Variants in ZNF106 observed in about 807,000 individuals in gnomAD.
ZNF106 encodes zinc finger protein 106.
Under a neutral mutation model 195.1 loss-of-function variants are expected in ZNF106, and 67 were observed. The ratio of observed to expected loss-of-function variants is 0.34; its 90% CI spans 0.28 to 0.42. The LOEUF (loss-of-function observed/expected upper bound fraction) is 0.42, where lower values mean the gene tolerates loss of function less well. ZNF106 is among the 10% of genes least tolerant of loss of function. The pLI, the probability that ZNF106 is intolerant of heterozygous loss-of-function variation, is 1.00. For synonymous variants in ZNF106, 784 were observed against 818.6 expected (o/e 0.96, Z 0.72); for missense variants, 2,118 against 2,304.5 (o/e 0.92, Z 1.66).
chr15:42,460,985 AAGAAACTTCAAAAAG>A (rs202167562), intron 3 of ZNF106, among the ~76,000 whole-genome samples: 4,480 of 152,270 alleles, frequency 0.029, 174 homozygotes, highest in African/African-American at 0.088. Flanking sequence ...AAAACTTTAT[AAGAAACTTCAAAAAG>A]AGAAACTTCA....
chr15:42,413,978 G>T lies in ZNF106; in HGVS notation c.*3326C>A, dbSNP rs567774967. Reference sequence around the variant, plus strand: ...GACTGATACTTTATCACAACGAACTGCCATTTAAACACTAGCATAGGTACA... The same window carrying T: ...GACTGATACTTTATCACAACGAACTTCCATTTAAACACTAGCATAGGTACA... On this transcript the variant is annotated 3_prime_UTR_variant, in exon 22 of 22. Coordinates refer to ENST00000564754, the MANE Select transcript of ZNF106 (RefSeq NM_001366845.3). 2.0e-5 allele frequency: 3 copies of T among 152,264 alleles called. No homozygotes were observed. Among genetic ancestry groups the T allele is most frequent in the Admixed American group, 1.3e-4 (2 of 15,300 alleles). The allele number at this position is 152,264 out of a possible 1,614,324, so 9.4% of individuals were successfully genotyped here.
intron 1 of ZNF106, among the ~76,000 whole-genome samples, chr15:42,477,762 C>A (rs1474688710): frequency 6.6e-6 from 1 of 151,846 alleles, no homozygotes; most frequent in East Asian, 1.9e-4. Flanking sequence ...TGATGGCAAG[C>A]ACCTGTAATC....
At position 42,448,139 on chromosome 15, in the gene ZNF106, C is replaced by G. The variant is rs1168436762; in HGVS notation, c.3068G>C (p.Ser1023Thr). The G allele has an allele frequency of 8.7e-6, 14 of 1,614,184 alleles. No homozygotes were observed. Among genetic ancestry groups the G allele is most frequent in the Non-Finnish European group, 1.2e-5 (14 of 1,180,028 alleles). The stretch of plus-strand genomic sequence containing the variant: ...TTGTTCAGCACCAGAGGTACAGCTA[C>G]TATCTGTGGCTGCATCCGCTAAACT... ...ISSLADAATD[S>T]SCTSGAEQND... Residue 1023 changes from serine (S) to threonine (T), a missense_variant, in exon 6 of 22, where the codon AGT (serine) becomes ACT (threonine). Transcript: ENST00000564754.
At chr15:42,467,680 C>A (rs914881790) in intron 2 of ZNF106, among the ~76,000 whole-genome samples, 1 of 151,488 alleles carries the variant, frequency 6.6e-6, no homozygotes, top group Admixed American at 6.6e-5. Context: ...TGGTGGTGAA[C>A]GCCTGTAATC....
chr15:42,463,059 A>G (rs1018223955), intron 3 of ZNF106, among the ~76,000 whole-genome samples: 7 of 151,754 alleles, frequency 4.6e-5, no homozygotes, highest in African/African-American at 1.7e-4. Context: ...TTAGCCTCTC[A>G]AAGTGCTGGG....
At chr15:42,487,138 G>A (rs2057035451) in intron 1 of ZNF106, among the ~76,000 whole-genome samples, 1 of 151,778 alleles carries the variant, frequency 6.6e-6, no homozygotes, top group Non-Finnish European at 1.5e-5. Flanking sequence ...CAACAAGAGT[G>A]AAACTCCATC....
chr15:42,456,549 G>A (rs2056232838), intron 4 of ZNF106, among the ~76,000 whole-genome samples: 1 of 151,894 alleles, frequency 6.6e-6, no homozygotes, highest in South Asian at 2.1e-4. Flanking sequence ...CTACTCAGGA[G>A]GCTGAGGCAG....
intron 1 of ZNF106, among the ~76,000 whole-genome samples, chr15:42,473,439 T>G (rs1384301673): frequency 6.6e-6 from 1 of 152,154 alleles, no homozygotes; most frequent in Non-Finnish European, 1.5e-5. Context: ...GCACTTGCAT[T>G]CCCCTCGTTG....
At chr15:42,424,393 G>C (rs2054778518) in intron 16 of ZNF106, 2 of 303,436 alleles carry the variant, frequency 6.6e-6, no homozygotes, top group African/African-American at 4.3e-5. Context: ...TTGGTGTAAA[G>C]AAAAGGTTTG....
At position 42,417,790 on chromosome 15, in the gene ZNF106, G is replaced by T. The variant is rs1425305240; in HGVS notation, c.5664+15C>A. On this transcript the variant is annotated intron_variant, in intron 21 of 21. Coordinates refer to ENST00000564754, the MANE Select transcript of ZNF106 (RefSeq NM_001366845.3). ...CTACTGAATCCCAGGCAAACCTCAA[G>T]TCCCACTAATGTACCTGTTTGGATC... is the stretch of plus-strand genomic sequence containing the variant. 6.2e-7 allele frequency: 1 copy of T among 1,607,582 alleles called. No homozygotes were observed.
At chr15:42,448,014 T>C in intron 6 of ZNF106, 58 bp downstream of exon 6, 1 of 1,526,518 alleles carries the variant, frequency 6.6e-7, no homozygotes, top group Non-Finnish European at 8.8e-7. Context: ...CCTTTTTTCA[T>C]AAGCAACCAA....
At chr15:42,437,488 T>A (rs1324842465) in intron 12 of ZNF106, 111 bp from the exon 13 acceptor site, 1 of 1,273,908 alleles carries the variant, frequency 7.8e-7, no homozygotes, top group Non-Finnish European at 1.1e-6. Flanking sequence ...CAAAAGTAGA[T>A]CCCTTAAATC....
chr15:42,467,045 A>T (rs1046050566), intron 2 of ZNF106, among the ~76,000 whole-genome samples: 1 of 152,194 alleles, frequency 6.6e-6, no homozygotes, highest in Admixed American at 6.5e-5. Context: ...AGGCAGGAGA[A>T]TCGCTTGAAC....
intron 15 of ZNF106, 74 bp from the exon 16 acceptor site, chr15:42,425,099 G>A (rs1011708036): frequency 9.1e-6 from 13 of 1,436,306 alleles, no homozygotes; most frequent in South Asian, 8.5e-5. Flanking sequence ...CATTACCTTG[G>A]TACAAACTCA....
chr15:42,459,305 G>A (rs568306297), intron 3 of ZNF106, among the ~76,000 whole-genome samples: 15 of 151,884 alleles, frequency 9.9e-5, no homozygotes, highest in East Asian at 5.8e-4. Context: ...GTAAAACCCC[G>A]TCTCTACTAA....
chr15:42,434,072 C>T (rs150556025), intron 14 of ZNF106, among the ~76,000 whole-genome samples: 12 of 152,218 alleles, frequency 7.9e-5, no homozygotes, highest in Non-Finnish European at 1.3e-4. Flanking sequence ...GTCTTGAGCT[C>T]CTGGCCTCAA....
At chr15:42,442,490 A>G in intron 9 of ZNF106, 76 bp from the exon 10 acceptor site, 4 of 1,223,972 alleles carry the variant, frequency 3.3e-6, no homozygotes, top group Non-Finnish European at 4.6e-6. Context: ...GCTAATTTGT[A>G]TTTTTAAACA....
chr15:42,446,805 G>A (rs1031475124), intron 6 of ZNF106, 147 bp from the exon 7 acceptor site: 5 of 689,752 alleles, frequency 7.2e-6, no homozygotes, highest in Non-Finnish European at 1.2e-5. Context: ...TCACGCACGT[G>A]GTACCAACGC....
At chr15:42,474,598 A>G (rs1316217694) in intron 1 of ZNF106, among the ~76,000 whole-genome samples, 1 of 152,114 alleles carries the variant, frequency 6.6e-6, no homozygotes, top group African/African-American at 2.4e-5. Flanking sequence ...AAAAAATGAA[A>G]GAATTAGCTG....
Sources: gnomAD v4.1 joint callset for allele counts (sites outside exome capture counted in the v4.1 genomes callset) on GRCh38, gnomAD v4.1.1 for gene constraint, MANE v1.5 for transcripts, NCBI Gene and HGNC (gene_info 2026-07-23, HGNC 2026-07-21) for gene names.